The following ZBTB20 variants were observed in gnomAD, a reference collection of about 807,000 sequenced individuals.
ZBTB20 encodes zinc finger and BTB domain containing 20.
ZBTB20 carries 9 observed loss-of-function variants against 56.9 expected under a neutral mutation model. The ratio of observed to expected loss-of-function variants is 0.16; its 90% CI spans 0.10 to 0.28. The LOEUF is 0.28. Among genes scored for constraint, ZBTB20 ranks in the 10% least tolerant of loss-of-function variants. ZBTB20 has a pLI of 1.00. For missense variants in ZBTB20, 655 were observed against 1,003.0 expected (o/e 0.65, Z 4.69); for synonymous variants, 417 against 420.7 (o/e 0.99, Z 0.11).
At chr3:114,470,886 G>A (rs536859077) in intron 7 of ZBTB20, among the ~76,000 whole-genome samples, 1 of 152,070 alleles carries the variant, frequency 6.6e-6, no homozygotes, top group South Asian at 2.1e-4. Flanking sequence ...ATTCATCTTT[G>A]TCCAGTGTAT....
intron 1 of ZBTB20, among the ~76,000 whole-genome samples, chr3:115,103,363 AT>A (rs1326382294): frequency 6.6e-6 from 1 of 152,202 alleles, no homozygotes; most frequent in Admixed American, 6.5e-5. Context: ...TAAAATTTAT[AT>A]GGAGAGGCAA....
At chr3:114,941,005 TG>T (rs1380818771) in intron 3 of ZBTB20, among the ~76,000 whole-genome samples, 2 of 146,312 alleles carry the variant, frequency 1.4e-5, no homozygotes, top group Non-Finnish European at 2.9e-5. Context: ...AGAGCGAATT[TG>T]GTGTCATTTT....
At chr3:114,803,889 G>T (rs997059510) in intron 4 of ZBTB20, among the ~76,000 whole-genome samples, 9 of 150,878 alleles carry the variant, frequency 6.0e-5, no homozygotes, top group Non-Finnish European at 1.2e-4. Flanking sequence ...CACATTTCAG[G>T]TTCCAAAATC....
chr3:114,995,061 G>C (rs2078969860), intron 2 of ZBTB20, among the ~76,000 whole-genome samples: 1 of 151,854 alleles, frequency 6.6e-6, no homozygotes, highest in Admixed American at 6.6e-5. Flanking sequence ...TCATGGATAA[G>C]TGTGTGCGCA....
chr3:114,350,220 T>C (rs985722529), intron 11 of ZBTB20, 54 bp downstream of exon 11: 1 of 1,541,954 alleles, frequency 6.5e-7, no homozygotes, highest in Non-Finnish European at 8.8e-7. Context: ...TACCTTGCCT[T>C]CCCACAGCCC....
chr3:115,067,099 C>G (rs904448878), intron 2 of ZBTB20, among the ~76,000 whole-genome samples: 1 of 151,858 alleles, frequency 6.6e-6, no homozygotes. Flanking sequence ...AAGGAATTAA[C>G]ACATTATTAT....
chr3:114,890,036 A>G (rs893487093), intron 4 of ZBTB20, among the ~76,000 whole-genome samples: 3 of 152,130 alleles, frequency 2.0e-5, no homozygotes, highest in African/African-American at 7.2e-5. Flanking sequence ...AGAGCTGCCT[A>G]TATCTCATAG....
chr3:114,995,837 T>C (rs1044305674), intron 2 of ZBTB20, among the ~76,000 whole-genome samples: 2 of 151,870 alleles, frequency 1.3e-5, no homozygotes, highest in Non-Finnish European at 2.9e-5. Context: ...CTACATTGAA[T>C]TAACTGATGA....
chr3:114,765,832 A>G (rs571216364), intron 5 of ZBTB20, among the ~76,000 whole-genome samples: 3 of 152,314 alleles, frequency 2.0e-5, no homozygotes, highest in African/African-American at 7.2e-5. Flanking sequence ...ATTTCTTTAC[A>G]TGGAACATAT....
chr3:114,502,704 A>G (rs1297358012), intron 6 of ZBTB20: 2 of 152,088 alleles, frequency 1.3e-5, no homozygotes, highest in Non-Finnish European at 2.9e-5. Flanking sequence ...GCAAGCCAGG[A>G]TATTAGACTA....
At chr3:115,007,804 G>A (rs2079539927) in intron 2 of ZBTB20, among the ~76,000 whole-genome samples, 1 of 151,728 alleles carries the variant, frequency 6.6e-6, no homozygotes, top group Admixed American at 6.6e-5. Context: ...CAAATCACAA[G>A]ACGGTCAAAT....
At chr3:114,680,586 G>A (rs2061911885) in intron 6 of ZBTB20, among the ~76,000 whole-genome samples, 1 of 152,188 alleles carries the variant, frequency 6.6e-6, no homozygotes, top group Non-Finnish European at 1.5e-5. Flanking sequence ...ATAAGATAGA[G>A]TCATTCACTC....
At chr3:114,390,334 T>C (rs1311778310) in intron 7 of ZBTB20, among the ~76,000 whole-genome samples, 6 of 152,218 alleles carry the variant, frequency 3.9e-5, no homozygotes, top group Admixed American at 2.6e-4. Flanking sequence ...ATTTCTGATA[T>C]TCTTGATTTC....
At chr3:114,597,925 G>C (rs983719311) in intron 6 of ZBTB20, among the ~76,000 whole-genome samples, 3 of 151,996 alleles carry the variant, frequency 2.0e-5, no homozygotes, top group Non-Finnish European at 4.4e-5. Context: ...CCTGCCATGG[G>C]AAAAATAATT....
intron 6 of ZBTB20, chr3:114,529,100 A>G (rs1399397092): frequency 1.3e-5 from 2 of 152,166 alleles, no homozygotes; most frequent in South Asian, 2.1e-4. Context: ...TAACTGTTTT[A>G]CTTTTCCTCT....
intron 6 of ZBTB20, among the ~76,000 whole-genome samples, chr3:114,545,683 G>A (rs1197061218): frequency 2.6e-5 from 4 of 152,126 alleles, no homozygotes; most frequent in Admixed American, 6.5e-5. Flanking sequence ...CTGGAGGAGG[G>A]GGTCTTCACA....
chr3:114,643,139 C>A (rs530623531), intron 6 of ZBTB20, among the ~76,000 whole-genome samples: 1 of 152,162 alleles, frequency 6.6e-6, no homozygotes, highest in South Asian at 2.1e-4. Context: ...GAAAAGGGGT[C>A]ATTTTTCCTG....
rs1235706621 is a variant in ZBTB20, at chr3:114,948,483, T to C, written c.-456+25883A>G. On this transcript the variant is annotated intron_variant, in intron 3 of 11. Coordinates refer to ENST00000675478, the MANE Select transcript of ZBTB20 (RefSeq NM_001348800.3). ...TGGAATGAAAAGGTAGAAATAAAAC[T>C]GTAGTTATTCACAGAAAACATGACT... is the stretch of plus-strand genomic sequence containing the variant. Among the ~76,000 whole-genome samples the C allele has an allele frequency of 1.4e-5, 2 of 146,086 alleles. 1 individual carries two copies. Among genetic ancestry groups the C allele is most frequent in the African/African-American group, 5.6e-5 (2 of 35,900 alleles).
At chr3:114,342,211 T>C (rs182084751) in intron 11 of ZBTB20, among the ~76,000 whole-genome samples, 1 of 151,980 alleles carries the variant, frequency 6.6e-6, no homozygotes, top group Admixed American at 6.6e-5. Context: ...TTTAAGAAAA[T>C]TTTTTTTCCC....
Sources: allele counts gnomAD v4.1 joint callset (sites outside exome capture counted in the v4.1 genomes callset), GRCh38; gene constraint gnomAD v4.1.1; transcripts MANE v1.5; gene names NCBI Gene and HGNC (gene_info 2026-07-23, HGNC 2026-07-21).